ASCC2: variants seen among roughly 807,000 people sequenced by gnomAD.
The protein encoded by ASCC2 is ASC-1 complex subunit P100.
A neutral mutation model predicts 93.5 loss-of-function variants in ASCC2; 42 were observed. The observed-to-expected ratio is 0.45, with a 90% CI of 0.35 to 0.58. ASCC2 has a LOEUF of 0.58. Among genes scored for constraint, ASCC2 ranks in the 20% least tolerant of loss-of-function variants. The pLI is 0.00. For synonymous variants in ASCC2, 364 were observed against 384.2 expected, an observed-to-expected ratio of 0.95 and a Z score of 0.62; for missense variants, 859 against 977.6, an observed-to-expected ratio of 0.88 and a Z score of 1.62.
chr22:29,836,272 A>C (rs567479121), intron 1 of ASCC2, among the ~76,000 whole-genome samples: 66 of 150,216 alleles, frequency 4.4e-4, no homozygotes, highest in Non-Finnish European at 7.4e-4. Flanking sequence ...AGACAGGACC[A>C]GTTTAAAAAG....
intron 15 of ASCC2, among the ~76,000 whole-genome samples, chr22:29,796,251 C>T (rs1645372271): frequency 6.6e-6 from 1 of 152,058 alleles, no homozygotes; most frequent in Admixed American, 6.5e-5. Flanking sequence ...TGGGACTACA[C>T]GTGTGTGCCA....
chr22:29,804,005 C>T (rs146231829), intron 13 of ASCC2, among the ~76,000 whole-genome samples: 7 of 152,378 alleles, frequency 4.6e-5, no homozygotes, highest in East Asian at 3.9e-4. Context: ...ACGTGAGTGA[C>T]GTGCCTAAGG....
intron 8 of ASCC2, among the ~76,000 whole-genome samples, chr22:29,811,901 T>C (rs570743190): frequency 6.2e-4 from 94 of 152,364 alleles, no homozygotes; most frequent in African/African-American, 6.3e-4. Flanking sequence ...TGATTTCTTA[T>C]GGTGATTTTA....
intron 2 of ASCC2, among the ~76,000 whole-genome samples, chr22:29,828,492 G>A (rs1162350236): frequency 6.6e-6 from 1 of 152,224 alleles, no homozygotes; most frequent in South Asian, 2.1e-4. Context: ...AACTGAGGCA[G>A]GATTTGAGCC....
intron 18 of ASCC2, among the ~76,000 whole-genome samples, chr22:29,792,023 A>ATAAAAAGTTTAGCTGC (rs1455768936): frequency 6.6e-6 from 1 of 152,232 alleles, no homozygotes; most frequent in Non-Finnish European, 1.5e-5. Flanking sequence ...TTTCATTCAA[A>ATAAAAAGTTTAGCTGC]TAAAAAGTTT....
chr22:29,836,222 G>A (rs76177778), intron 1 of ASCC2, among the ~76,000 whole-genome samples: 11,780 of 151,788 alleles, frequency 0.078, 510 homozygotes, highest in African/African-American at 0.089. Context: ...GTCAGATAGG[G>A]GATGACAGAA....
chr22:29,815,849 G>A (rs2060789545), intron 6 of ASCC2, among the ~76,000 whole-genome samples, 157 bp downstream of exon 6: 2 of 152,190 alleles, frequency 1.3e-5, no homozygotes, highest in Admixed American at 1.3e-4. Flanking sequence ...AAGAGGTGTA[G>A]TCAGGGGTAA....
At chr22:29,799,745 C>G (rs553950444) in intron 15 of ASCC2, among the ~76,000 whole-genome samples, 52 of 152,336 alleles carry the variant, frequency 3.4e-4, no homozygotes, top group African/African-American at 1.2e-3. Flanking sequence ...ACATCCAACT[C>G]TCTGTCCCTC....
chr22:29,821,562 T>C (rs1224933177), intron 5 of ASCC2, among the ~76,000 whole-genome samples: 3 of 152,244 alleles, frequency 2.0e-5, no homozygotes, highest in African/African-American at 4.8e-5. Context: ...ACATAACATA[T>C]GTGGAGTGCT....
chr22:29,789,799 A>C (rs1461039921), intron 19 of ASCC2, among the ~76,000 whole-genome samples: 1 of 152,200 alleles, frequency 6.6e-6, no homozygotes, highest in Non-Finnish European at 1.5e-5. Context: ...ACAGTGCTGC[A>C]TGAAGCCTAG....
chr22:29,789,813 C>A (rs543203009), intron 19 of ASCC2, among the ~76,000 whole-genome samples: 1 of 152,194 alleles, frequency 6.6e-6, no homozygotes, highest in African/African-American at 2.4e-5. Flanking sequence ...AGCCTAGGGC[C>A]GGGATGCGGG....
In ASCC2 at chr22:29,838,210, G is replaced by GCCA; in HGVS notation, c.-51_-50insTGG. The GCCA allele has an allele frequency of 2.2e-6, 1 of 464,724 alleles. No homozygotes were observed. The allele number at this position is 464,724 out of a possible 1,614,324, so 28.8% of individuals were successfully genotyped here. ...GCTCCACCACCGGCTCTGTGCCGCC[G>GCCA]CCGCCGCCGCCGCCGCCGACCACGG... On this transcript the variant is annotated 5_prime_UTR_variant, in exon 1 of 20. Coordinates refer to ENST00000307790, the MANE Select transcript of ASCC2 (RefSeq NM_032204.5).
At chr22:29,803,657 G>A (rs1179218640) in intron 13 of ASCC2, among the ~76,000 whole-genome samples, 1 of 152,224 alleles carries the variant, frequency 6.6e-6, no homozygotes, top group Non-Finnish European at 1.5e-5. Flanking sequence ...TCTTTTTTAA[G>A]TAAGGGGCAT....
chr22:29,802,705 G>A (rs1023888347), intron 13 of ASCC2, among the ~76,000 whole-genome samples: 1 of 152,082 alleles, frequency 6.6e-6, no homozygotes, highest in Non-Finnish European at 1.5e-5. Flanking sequence ...CACTTTGGGA[G>A]GCCGAGACGG....
At chr22:29,832,577 T>C (rs933382883) in intron 1 of ASCC2, 1 of 365,436 alleles carries the variant, frequency 2.7e-6, no homozygotes, top group African/African-American at 2.1e-5. Context: ...TTCTGATATA[T>C]TTCCACCCAC....
chr22:29,802,270 C>A, intron 13 of ASCC2, 62 bp from the exon 14 acceptor site: 2 of 1,521,010 alleles, frequency 1.3e-6, no homozygotes, highest in Non-Finnish European at 1.8e-6. Context: ...GGGCCACAGG[C>A]CCCAGACAGC....
intron 12 of ASCC2, among the ~76,000 whole-genome samples, chr22:29,805,602 C>T (rs2059581548): frequency 6.6e-6 from 1 of 152,156 alleles, no homozygotes; most frequent in Admixed American, 6.5e-5. Flanking sequence ...GGGCTGTGCA[C>T]GTTGCTGGCC....
At chr22:29,815,775 T>C (rs1005278755) in intron 6 of ASCC2, among the ~76,000 whole-genome samples, 3 of 152,246 alleles carry the variant, frequency 2.0e-5, no homozygotes, top group Non-Finnish European at 4.4e-5. Flanking sequence ...ACTCTGTCTG[T>C]ATGAGCGCCA....
At chr22:29,832,380 A>G in intron 1 of ASCC2, 38 bp from the exon 2 acceptor site, 1 of 1,512,130 alleles carries the variant, frequency 6.6e-7, no homozygotes. Context: ...GAGCAGACAC[A>G]CAGACTCCTG....
Sources: allele counts gnomAD v4.1 joint callset (sites outside exome capture counted in the v4.1 genomes callset), GRCh38; gene constraint gnomAD v4.1.1; transcripts MANE v1.5; gene names NCBI Gene and HGNC (gene_info 2026-07-23, HGNC 2026-07-21).